REV3L: variants seen among roughly 807,000 people sequenced by gnomAD.
The protein encoded by REV3L is DNA polymerase zeta catalytic subunit.
REV3L carries 69 observed loss-of-function variants against 299.4 expected under a neutral mutation model. That is an observed-to-expected ratio of 0.23 (90% CI 0.19 to 0.28). The LOEUF is 0.28. Ranked by LOEUF, REV3L falls within the 10% of genes least tolerant of loss-of-function variation. The probability of loss-of-function intolerance (pLI) is 1.00; values close to 1 mark genes in which losing one functional copy is unlikely to be tolerated. For synonymous variants in REV3L, 1,238 were observed against 1,271.4 expected (o/e 0.97, Z 0.56); for missense variants, 3,128 against 3,693.8 (o/e 0.85, Z 3.97).
chr6:111,435,768 G>C (rs899181195), intron 1 of REV3L, among the ~76,000 whole-genome samples: 4 of 152,046 alleles, frequency 2.6e-5, no homozygotes, highest in African/African-American at 9.7e-5. Flanking sequence ...AGATTTTTTT[G>C]GGTAAGACCT....
Position 111,367,930 on chromosome 6 carries a change from T to C in REV3L, c.5858A>G (p.Lys1953Arg). The stretch of plus-strand genomic sequence containing the variant: ...CTGAGTCATTGCTGAGAATGCTGTT[T>C]TCCAAAGACGAAGTCCTTCCAAGGA... ...DFSLEGLRLW[K>R]TAFSAMTQNP... Residue 1953 changes from lysine to arginine, a missense_variant, in exon 14 of 32, where the codon AAA becomes AGA. Around this residue, in one of 9 missense-constraint regions of REV3L, gnomAD observed 2,409 missense variants for 2,611.8 expected, o/e 0.92. Transcript: ENST00000368802. The C allele has an allele frequency of 3.7e-6, 6 of 1,614,136 alleles. No homozygotes were observed. The highest frequency in any genetic ancestry group is 5.1e-6 in the Non-Finnish European group (6 of 1,179,990).
intron 1 of REV3L, among the ~76,000 whole-genome samples, chr6:111,436,103 G>A (rs866266118): frequency 2.0e-5 from 3 of 152,132 alleles, no homozygotes; most frequent in South Asian, 2.1e-4. Context: ...ATCATAATGC[G>A]ATATCATCTC....
At chr6:111,437,628 G>A (rs1016707871) in intron 1 of REV3L, among the ~76,000 whole-genome samples, 3 of 151,912 alleles carry the variant, frequency 2.0e-5, no homozygotes, top group African/African-American at 7.3e-5. Context: ...TATGTGAAAT[G>A]TCCAAAATAG....
At chr6:111,433,140 A>G (rs1240392973) in intron 1 of REV3L, among the ~76,000 whole-genome samples, 1 of 152,184 alleles carries the variant, frequency 6.6e-6, no homozygotes, top group Admixed American at 6.5e-5. Context: ...TGAAGGAACT[A>G]GAAAAAGAAC....
chr6:111,307,830 G>GT (rs1772500143), intron 30 of REV3L: 2 of 420,124 alleles, frequency 4.8e-6, no homozygotes, highest in Admixed American at 7.8e-5. Flanking sequence ...AAGTTCTAGG[G>GT]TATGTGCAGG....
Position 111,375,722 on chromosome 6 carries a change from G to C in REV3L, c.2633C>G (p.Thr878Ser). ...EKDNALASDL[T>S]KTTRGAFENK... is the part of the protein sequence containing the mutation. ...TTCAAAAGCTCCACGAGTGGTTTTA[G>C]TTAAATCACTAGCCAATGCATTATC... Residue 878 changes from threonine to serine, a missense_variant, in exon 13 of 32, where the codon ACT becomes AGT. Around this residue, in one of 9 missense-constraint regions of REV3L, gnomAD observed 2,409 missense variants for 2,611.8 expected, o/e 0.92. Coordinates refer to ENST00000368802, the MANE Select transcript of REV3L (RefSeq NM_001372078.1). 1 of 1,613,748 alleles carries C rather than the reference G, an allele frequency of 6.2e-7. No individual in the cohort carries two copies. Among genetic ancestry groups the C allele is most frequent in the Non-Finnish European group, 8.5e-7 (1 of 1,179,704 alleles).
intron 16 of REV3L, among the ~76,000 whole-genome samples, chr6:111,362,879 GT>G (rs1427931701): frequency 6.6e-6 from 1 of 152,130 alleles, no homozygotes; most frequent in Non-Finnish European, 1.5e-5. Flanking sequence ...TTAAAATTCA[GT>G]TCTTCAGTTG....
At chr6:111,420,348 ATACTTATTAT>A (rs910169479) in intron 1 of REV3L, among the ~76,000 whole-genome samples, 33 of 152,314 alleles carry the variant, frequency 2.2e-4, no homozygotes, top group African/African-American at 7.7e-4. Flanking sequence ...ATCACTTCAC[ATACTTATTAT>A]TTTGTGGTAA....
At chr6:111,340,486 C>A (rs1273588099) in intron 21 of REV3L, among the ~76,000 whole-genome samples, 1 of 151,806 alleles carries the variant, frequency 6.6e-6, no homozygotes, top group African/African-American at 2.4e-5. Context: ...TTCCAGGAGA[C>A]AAAAATCTGG....
chr6:111,483,006 C>G lies in REV3L; in HGVS notation c.-118G>C. On this transcript the variant is annotated 5_prime_UTR_variant, in exon 1 of 32. Transcript: ENST00000368802. ...CCTCCCCTTCTCGGCACGGCCCCCTCCCCTCACACAGAGGCACCTCGAGGA... is the reference window on the plus strand; with the variant it reads ...CCTCCCCTTCTCGGCACGGCCCCCTGCCCTCACACAGAGGCACCTCGAGGA... 1.6e-6 allele frequency: 2 copies of G among 1,248,294 alleles called. No homozygotes were observed. The highest frequency in any genetic ancestry group is 2.0e-5 in the South Asian group (1 of 49,030). The allele number at this position is 1,248,294 out of a possible 1,614,324, so 77.3% of individuals were successfully genotyped here. A position where few individuals can be genotyped will look rare whatever the true frequency, so the allele number is the denominator to read the frequency against.
chr6:111,481,668 G>C (rs574668039), intron 1 of REV3L, among the ~76,000 whole-genome samples: 1 of 152,120 alleles, frequency 6.6e-6, no homozygotes, highest in African/African-American at 2.4e-5. Context: ...AAATCCCATA[G>C]GGCAATTCAT....
intron 1 of REV3L, among the ~76,000 whole-genome samples, chr6:111,436,008 A>G (rs1787507184): frequency 6.6e-6 from 1 of 152,242 alleles, no homozygotes; most frequent in South Asian, 2.1e-4. Context: ...GTCTGAATAG[A>G]TATTTCTCAA....
intron 4 of REV3L, 59 bp from the exon 5 acceptor site, chr6:111,393,031 T>C (rs757029443): frequency 1.2e-4 from 150 of 1,301,316 alleles, no homozygotes; most frequent in Non-Finnish European, 1.5e-4. Context: ...TAATTACTTT[T>C]TAGAAGGTAA....
intron 1 of REV3L, among the ~76,000 whole-genome samples, chr6:111,476,940 A>G (rs1289745956): frequency 6.6e-6 from 1 of 151,862 alleles, no homozygotes; most frequent in African/African-American, 2.4e-5. Context: ...GGTTTTTTTA[A>G]ATTATAAAAT....
At chr6:111,453,566 C>A (rs1360552726) in intron 1 of REV3L, among the ~76,000 whole-genome samples, 4 of 152,180 alleles carry the variant, frequency 2.6e-5, no homozygotes, top group Non-Finnish European at 4.4e-5. Context: ...CTCACAATGC[C>A]ATACTGCCTC....
At chr6:111,303,701 C>CTTTTTTTTTTTTTTTTTT (rs58366929) in intron 31 of REV3L, among the ~76,000 whole-genome samples, 3 of 12,642 alleles carry the variant, frequency 2.4e-4, no homozygotes, top group Non-Finnish European at 4.4e-4. Context: ...CAGACTATGA[C>CTTTTTTTTTTTTTTTTTT]TTTTTTTTTT....
chr6:111,357,888 A>T (rs1050475524), intron 17 of REV3L, among the ~76,000 whole-genome samples: 2 of 152,140 alleles, frequency 1.3e-5, no homozygotes, highest in Non-Finnish European at 2.9e-5. Context: ...TCATGATGTA[A>T]GGACCCCTCC....
intron 1 of REV3L, among the ~76,000 whole-genome samples, chr6:111,433,521 A>G (rs1582976102): frequency 6.6e-6 from 1 of 152,160 alleles, no homozygotes; most frequent in Non-Finnish European, 1.5e-5. Flanking sequence ...AGAAAGAGAA[A>G]CCTTAATACA....
Position 111,309,982 on chromosome 6 carries a change from T to G in REV3L, c.8913A>C (p.Glu2971Asp), listed in dbSNP as rs759557757. 2 of 1,613,966 alleles carry G rather than the reference T, an allele frequency of 1.2e-6. No individual in the cohort carries two copies. The highest frequency in any genetic ancestry group is 1.7e-6 in the Non-Finnish European group (2 of 1,179,930). Residue 2971 changes from glutamate to aspartate, a missense_variant, in exon 30 of 32, where the codon GAA becomes GAC. By Grantham distance (45) the Glu-to-Asp change is conservative. This residue lies in a region of REV3L where 294 missense variants were observed against 377.0 expected (regional missense o/e 0.78). Coordinates refer to ENST00000368802, the MANE Select transcript of REV3L (RefSeq NM_001372078.1). The stretch of plus-strand genomic sequence containing the variant: ...GTCTCAGAGTTGGGTCCTGCAGGAC[T>G]TCCACTGGGCGCCTTACAAGCTGGA... ...PLIQLVRRPVEVLQDPTLRLN... is the reference protein window; with the variant it reads ...PLIQLVRRPVDVLQDPTLRLN...
Sources: allele counts gnomAD v4.1 joint callset (sites outside exome capture counted in the v4.1 genomes callset), GRCh38; gene constraint gnomAD v4.1.1; regional missense constraint gnomAD v4.1.1; transcripts MANE v1.5; gene names NCBI Gene and HGNC (gene_info 2026-07-23, HGNC 2026-07-21).